Variants in LRRFIP2 observed in about 807,000 individuals in gnomAD.
LRRFIP2 encodes LRR binding FLII interacting protein 2, also known as leucine-rich repeat flightless-interacting protein 2.
Under a neutral mutation model 125.9 loss-of-function variants are expected in LRRFIP2, and 109 were observed. The ratio of observed to expected loss-of-function variants is 0.87; its 90% confidence interval spans 0.74 to 1.01. The LOEUF (loss-of-function observed/expected upper bound fraction) is 1.01. Among genes scored for constraint, LRRFIP2 ranks in the 50% least tolerant of loss-of-function variants. The probability of loss-of-function intolerance (pLI) is 0.00; values close to 1 mark genes in which losing one functional copy is unlikely to be tolerated. For synonymous variants in LRRFIP2, 291 were observed against 293.1 expected (o/e 0.99, Z 0.07); for missense variants, 850 against 862.3 (o/e 0.99, Z 0.18).
chr3:37,100,421 T>TAC (rs977539396), intron 15 of LRRFIP2, among the ~76,000 whole-genome samples: 6 of 141,454 alleles, frequency 4.2e-5, no homozygotes, highest in South Asian at 2.2e-4. Flanking sequence ...TACATATACA[T>TAC]ACATATATGT....
chr3:37,134,719 G>A (rs2095514397), intron 2 of LRRFIP2: 2 of 775,222 alleles, frequency 2.6e-6, no homozygotes, highest in South Asian at 2.7e-5. Flanking sequence ...CCAGCACAAT[G>A]TTCTGCAGGT....
intron 27 of LRRFIP2, among the ~76,000 whole-genome samples, chr3:37,054,169 A>T (rs1395619191): frequency 6.6e-6 from 1 of 152,258 alleles, no homozygotes; most frequent in African/African-American, 2.4e-5. Context: ...GATATATAGA[A>T]GTTGGAGAAA....
At chr3:37,149,068 G>C in intron 1 of LRRFIP2, 30 bp from the exon 2 acceptor site, 1 of 1,536,836 alleles carries the variant, frequency 6.5e-7, no homozygotes, top group Non-Finnish European at 8.7e-7. Context: ...AATAACTTAA[G>C]GTATTTCTTT....
chr3:37,088,750 T>C (rs1429818840), intron 18 of LRRFIP2, among the ~76,000 whole-genome samples: 3 of 152,044 alleles, frequency 2.0e-5, no homozygotes, highest in Non-Finnish European at 1.5e-5. Context: ...TGAGCTACGA[T>C]TGTGTCACTA....
At chr3:37,156,278 GAGAC>G (rs2096188657) in intron 1 of LRRFIP2, among the ~76,000 whole-genome samples, 1 of 152,018 alleles carries the variant, frequency 6.6e-6, no homozygotes, top group Non-Finnish European at 1.5e-5. Flanking sequence ...CCAGGAGTTT[GAGAC>G]CAGCCTAGAA....
intron 4 of LRRFIP2, among the ~76,000 whole-genome samples, chr3:37,127,423 G>A (rs1338044880): frequency 6.6e-6 from 1 of 152,180 alleles, no homozygotes. Flanking sequence ...GCATTCATGA[G>A]ATGAAGGTGA....
upstream of LRRFIP2, chr3:37,176,353 T>A (rs1483770475): frequency 6.6e-6 from 1 of 152,122 alleles, no homozygotes; most frequent in Non-Finnish European, 1.5e-5. Flanking sequence ...GGCCACAGGG[T>A]CGACGACCCA....
At position 37,114,490 on chromosome 3, in the gene LRRFIP2, A is replaced by G. The variant is rs539585896; in HGVS notation, c.372+564T>C. ...GTGGCTCATCATTTTAAGAAAAGAT[A>G]TATTACTACCAGCTGGGCATGATGG... On this transcript the variant is annotated intron_variant, in intron 7 of 27. Transcript: ENST00000336686. Among the ~76,000 whole-genome samples, 5 of 152,232 alleles carry G rather than the reference A, an allele frequency of 3.3e-5. 1 individual carries two copies. In the South Asian group the frequency reaches 1.0e-3, roughly 32 times the overall value.
intron 8 of LRRFIP2, among the ~76,000 whole-genome samples, chr3:37,111,326 C>T (rs936177014): frequency 6.6e-6 from 1 of 152,144 alleles, no homozygotes; most frequent in Non-Finnish European, 1.5e-5. Flanking sequence ...ACAATTTATT[C>T]TCATGCCATA....
At chr3:37,125,302 T>C (rs535472957) in intron 4 of LRRFIP2, among the ~76,000 whole-genome samples, 1 of 152,180 alleles carries the variant, frequency 6.6e-6, no homozygotes, top group South Asian at 2.1e-4. Context: ...CTTCAAGACA[T>C]GCATTTACTC....
intron 4 of LRRFIP2, 114 bp from the exon 5 acceptor site, chr3:37,121,805 C>A: frequency 1.0e-6 from 1 of 957,254 alleles, no homozygotes; most frequent in East Asian, 2.4e-5. Context: ...TGAGAGCAGG[C>A]AGGTTTGGAT....
chr3:37,070,250 A>G (rs2090935494), intron 21 of LRRFIP2, among the ~76,000 whole-genome samples: 1 of 151,266 alleles, frequency 6.6e-6, no homozygotes, highest in African/African-American at 2.4e-5. Context: ...AGTAGCTGGG[A>G]TTACAGGTGT....
intron 21 of LRRFIP2, 119 bp from the exon 22 acceptor site, chr3:37,066,444 T>C: frequency 1.3e-6 from 1 of 783,582 alleles, no homozygotes; most frequent in South Asian, 1.4e-5. Flanking sequence ...AAGAAAGCAG[T>C]CAAAAGATTG....
At chr3:37,070,042 C>A (rs1267128053) in intron 21 of LRRFIP2, among the ~76,000 whole-genome samples, 1 of 151,028 alleles carries the variant, frequency 6.6e-6, no homozygotes, top group African/African-American at 2.4e-5. Flanking sequence ...TGATATTGTA[C>A]TATAGTTTTG....
chr3:37,171,770 G>C (rs965442414), intron 1 of LRRFIP2, among the ~76,000 whole-genome samples: 1 of 152,122 alleles, frequency 6.6e-6, no homozygotes, highest in South Asian at 2.1e-4. Context: ...TATAGTAGCC[G>C]ACTTATGCAG....
In LRRFIP2 at chr3:37,066,328, G is replaced by A. The variant is rs1448831537; in HGVS notation, c.1465-3C>T. On this transcript the variant is annotated splice_polypyrimidine_tract_variant and splice_region_variant and intron_variant, in intron 21 of 27. Transcript: ENST00000336686. ...TATTCTTTCTGTTTCTCTAGGGCCT[G>A]GTTTTAGGTAAGGTAGCAAGGGAAA... is the stretch of plus-strand genomic sequence containing the variant. 1.2e-6 allele frequency: 2 copies of A among 1,612,036 alleles called. No individual in the cohort carries two copies. Among genetic ancestry groups the A allele is most frequent in the African/African-American group, 1.3e-5 (1 of 74,884 alleles).
chr3:37,132,040 T>A (rs1425083596), intron 2 of LRRFIP2, among the ~76,000 whole-genome samples: 2 of 152,178 alleles, frequency 1.3e-5, no homozygotes, highest in African/African-American at 4.8e-5. Context: ...CTCCCATGAA[T>A]TTTACACTGG....
At chr3:37,140,174 A>G (rs1206173126) in intron 2 of LRRFIP2, among the ~76,000 whole-genome samples, 2 of 152,026 alleles carry the variant, frequency 1.3e-5, no homozygotes, top group Admixed American at 6.6e-5. Context: ...TAGCATCTTA[A>G]ATGTTAATAT....
chr3:37,147,434 A>G (rs1020066432), intron 2 of LRRFIP2, among the ~76,000 whole-genome samples: 1 of 152,232 alleles, frequency 6.6e-6, no homozygotes, highest in South Asian at 2.1e-4. Context: ...CAGCAAAGAC[A>G]TGGAATCAAC....
Sources: gnomAD v4.1 joint callset for allele counts (sites outside exome capture counted in the v4.1 genomes callset) on GRCh38, gnomAD v4.1.1 for gene constraint, MANE v1.5 for transcripts, NCBI Gene and HGNC (gene_info 2026-07-23, HGNC 2026-07-21) for gene names.